Variants in APELA observed in about 807,000 individuals in gnomAD.
APELA encodes apelin receptor early endogenous ligand, also known as protein Elabela.
intron 2 of APELA, among the ~76,000 whole-genome samples, chr4:164,885,468 T>C (rs1454036521): frequency 6.6e-6 from 1 of 150,998 alleles, no homozygotes; most frequent in Admixed American, 6.6e-5. Flanking sequence ...AGGCTGGGCG[T>C]GGTGGCTCAC....
Position 164,897,097 on chromosome 4 carries a change from G to A in APELA, c.*1683G>A, listed in dbSNP as rs1167660778. Reference sequence around the variant, plus strand: ...GCTGGGCCACAAGTTCATATCTGGAGTAGAAGTTTTACTTTGTAAATATTA... The same window carrying A: ...GCTGGGCCACAAGTTCATATCTGGAATAGAAGTTTTACTTTGTAAATATTA... On this transcript the variant is annotated 3_prime_UTR_variant, in exon 3 of 3. Transcript: ENST00000507152. 6.6e-6 allele frequency: 1 copy of A among 152,142 alleles called. No individual in the cohort carries two copies. The highest frequency in any genetic ancestry group is 1.9e-4 in the East Asian group (1 of 5,192). The allele number at this position is 152,142 out of a possible 1,614,324, so 9.4% of individuals were successfully genotyped here.
At chr4:164,894,322 G>T (rs935324169) in intron 2 of APELA, among the ~76,000 whole-genome samples, 4 of 150,054 alleles carry the variant, frequency 2.7e-5, no homozygotes, top group African/African-American at 7.6e-5. Flanking sequence ...TGTATATATT[G>T]TAAGTTTGAT....
intron 2 of APELA, among the ~76,000 whole-genome samples, chr4:164,882,238 G>A (rs1281314320): frequency 6.6e-6 from 1 of 151,912 alleles, no homozygotes; most frequent in Admixed American, 6.6e-5. Flanking sequence ...CGAGTAGCTG[G>A]GATTACAGGC....
At chr4:164,886,169 C>G (rs1164645728) in intron 2 of APELA, among the ~76,000 whole-genome samples, 1 of 62,840 alleles carries the variant, frequency 1.6e-5, no homozygotes, top group Non-Finnish European at 3.4e-5. Flanking sequence ...GTGAATGGCC[C>G]AAGAACTGCC....
intron 2 of APELA, among the ~76,000 whole-genome samples, chr4:164,888,342 G>A (rs183889256): frequency 2.6e-5 from 4 of 152,210 alleles, no homozygotes; most frequent in African/African-American, 9.6e-5. Flanking sequence ...AAACAGAGAA[G>A]GCTTTAGGTA....
intron 2 of APELA, among the ~76,000 whole-genome samples, chr4:164,886,580 A>G (rs1338747068): frequency 6.6e-6 from 1 of 152,116 alleles, no homozygotes; most frequent in Non-Finnish European, 1.5e-5. Context: ...CGAGGGGTTG[A>G]GGCTATAGTG....
intron 2 of APELA, among the ~76,000 whole-genome samples, chr4:164,892,012 T>C (rs187549994): frequency 2.6e-5 from 4 of 152,272 alleles, no homozygotes; most frequent in Non-Finnish European, 4.4e-5. Flanking sequence ...TTTTTCTGTA[T>C]CTAAATTATC....
downstream of APELA, among the ~76,000 whole-genome samples, chr4:164,898,548 G>T (rs1436814805): frequency 6.7e-6 from 1 of 149,340 alleles, no homozygotes; most frequent in Non-Finnish European, 1.5e-5. Context: ...AACATTTTCA[G>T]AACACAAAGG....
intron 2 of APELA, among the ~76,000 whole-genome samples, chr4:164,884,472 G>A (rs1436862658): frequency 6.6e-6 from 1 of 152,118 alleles, no homozygotes; most frequent in Non-Finnish European, 1.5e-5. Flanking sequence ...AGGTCAAATG[G>A]AACACAAAAT....
intron 2 of APELA, among the ~76,000 whole-genome samples, chr4:164,892,725 A>T (rs1252629666): frequency 6.6e-6 from 1 of 152,212 alleles, no homozygotes; most frequent in African/African-American, 2.4e-5. Flanking sequence ...AGGATTCACC[A>T]GTGAAGCCAT....
In APELA at chr4:164,895,497, A is replaced by G. The variant is rs1730956451; in HGVS notation, c.*83A>G. 6.6e-6 allele frequency: 1 copy of G among 152,238 alleles called. No individual in the cohort carries two copies. The highest frequency in any genetic ancestry group is 2.1e-4 in the South Asian group (1 of 4,836). 9.4% of individuals were successfully genotyped at this position (152,238 alleles called of 1,614,324 possible). Reference sequence around the variant, plus strand: ...ACACCCAGCCACACAAAAGAACTTCATGATGCCAACAGCGTGATTGCTTAG... The same window carrying G: ...ACACCCAGCCACACAAAAGAACTTCGTGATGCCAACAGCGTGATTGCTTAG... On this transcript the variant is annotated 3_prime_UTR_variant, in exon 3 of 3. Coordinates refer to ENST00000507152, the MANE Select transcript of APELA (RefSeq NM_001297550.2).
At position 164,895,948 on chromosome 4, in the gene APELA, G is replaced by A. The variant is rs1730967836; in HGVS notation, c.*534G>A. ...TTGATTATATAGAGAGAAAGACTAAGAAAAGCTATTAATTGCTACCAATTT... is the reference window on the plus strand; with the variant it reads ...TTGATTATATAGAGAGAAAGACTAAAAAAAGCTATTAATTGCTACCAATTT... On this transcript the variant is annotated 3_prime_UTR_variant, in exon 3 of 3. Transcript: ENST00000507152. 6.6e-6 allele frequency: 1 copy of A among 152,176 alleles called. No individual in the cohort carries two copies. The highest frequency in any genetic ancestry group is 2.4e-5 in the African/African-American group (1 of 41,442). 9.4% of individuals were successfully genotyped at this position (152,176 alleles called of 1,614,324 possible). A position where few individuals can be genotyped will look rare whatever the true frequency, so the allele number is the denominator to read the frequency against.
intron 2 of APELA, among the ~76,000 whole-genome samples, chr4:164,893,969 A>G (rs1234799074): frequency 6.6e-6 from 1 of 152,026 alleles, no homozygotes; most frequent in East Asian, 1.9e-4. Context: ...CACCGAAAAA[A>G]AAAATAATAA....
chr4:164,879,055 A>G (rs1446493233), intron 2 of APELA, 46 bp downstream of exon 2: 1 of 398,804 alleles, frequency 2.5e-6, no homozygotes, highest in African/African-American at 2.1e-5. Context: ...GCAGTGTTCC[A>G]AATTAGATAT....
At chr4:164,888,295 C>G (rs757759701) in intron 2 of APELA, among the ~76,000 whole-genome samples, 1 of 152,120 alleles carries the variant, frequency 6.6e-6, no homozygotes, top group Non-Finnish European at 1.5e-5. Flanking sequence ...GGCAGAGGAC[C>G]AAGACAGGCA....
chr4:164,887,949 T>C (rs1730805457), intron 2 of APELA, among the ~76,000 whole-genome samples: 1 of 152,126 alleles, frequency 6.6e-6, no homozygotes, highest in Admixed American at 6.5e-5. Flanking sequence ...TTAGTCTTCT[T>C]CCTGATTTCA....
intron 2 of APELA, among the ~76,000 whole-genome samples, chr4:164,894,034 A>T (rs1427225325): frequency 6.6e-6 from 1 of 152,116 alleles, no homozygotes; most frequent in Non-Finnish European, 1.5e-5. Context: ...TTATTTAACA[A>T]TTTTTTGGCC....
intron 2 of APELA, among the ~76,000 whole-genome samples, chr4:164,884,815 C>G (rs766656616): frequency 6.6e-6 from 1 of 152,210 alleles, no homozygotes; most frequent in Non-Finnish European, 1.5e-5. Flanking sequence ...TTCTTCACCT[C>G]TTAACTGTTC....
At chr4:164,883,916 TA>T (rs35518678) in intron 2 of APELA, among the ~76,000 whole-genome samples, 64,081 of 133,182 alleles carry the variant, frequency 0.48, 14,723 homozygotes, top group South Asian at 0.59. Flanking sequence ...TATTTTGTCT[TA>T]AAAAAAAAAA....
Sources: allele counts gnomAD v4.1 joint callset (sites outside exome capture counted in the v4.1 genomes callset), GRCh38; gene constraint gnomAD v4.1.1; transcripts MANE v1.5; gene names NCBI Gene and HGNC (gene_info 2026-07-23, HGNC 2026-07-21).